Variants in GLRA3 observed in about 807,000 individuals in gnomAD.
GLRA3 encodes the protein glycine receptor subunit alpha-3.
A neutral mutation model predicts 60.4 loss-of-function variants in GLRA3; 44 were observed. The observed-to-expected ratio is 0.73, with a 90% CI of 0.57 to 0.94. The LOEUF is 0.94. Ranked by LOEUF, GLRA3 falls within the 40% of genes least tolerant of loss-of-function variation. The pLI is 0.00. For missense variants in GLRA3, 508 were observed against 564.6 expected (o/e 0.90, Z 1.02); for synonymous variants, 223 against 192.9 (o/e 1.16, Z -1.29).
intron 5 of GLRA3, among the ~76,000 whole-genome samples, chr4:174,690,252 T>G (rs1734743059): frequency 2.0e-5 from 3 of 152,220 alleles, no homozygotes. Context: ...ACCTTTACCA[T>G]GCATAGACTT....
Position 174,728,608 on chromosome 4 carries a change from G to A in GLRA3, c.358C>T (p.Pro120Ser), listed in dbSNP as rs199507669. 2.7e-4 allele frequency: 442 copies of A among 1,611,808 alleles called. No homozygotes were observed. Among genetic ancestry groups the A allele is most frequent in the Non-Finnish European group, 3.5e-4 (418 of 1,177,926 alleles). The change falls in exon 4 of 10, where the codon CCC becomes TCC. Residue 120 changes from proline to serine, a missense_variant. Pro to Ser is a moderately conservative substitution (Grantham distance 74). Around this residue, in one of 3 missense-constraint regions of GLRA3, gnomAD observed 329 missense variants for 349.3 expected, o/e 0.94. Transcript: ENST00000274093. Reference protein sequence around the residue: ...EYPDDSLDLDPSMLDSIWKPD... With the variant: ...EYPDDSLDLDSSMLDSIWKPD... Reference sequence around the variant, plus strand: ...TTCCAAATGGAGTCCAACATGGAGGGGTCGAGGTCTAAAGAGTCGTCAGGA... The same window carrying A: ...TTCCAAATGGAGTCCAACATGGAGGAGTCGAGGTCTAAAGAGTCGTCAGGA...
intron 3 of GLRA3, among the ~76,000 whole-genome samples, chr4:174,752,262 G>C (rs771497219): frequency 2.6e-5 from 4 of 152,108 alleles, no homozygotes; most frequent in Non-Finnish European, 5.9e-5. Context: ...AAAAACACAA[G>C]AGAAGCTGAT....
chr4:174,682,377 A>G (rs929678960), intron 6 of GLRA3, among the ~76,000 whole-genome samples: 1 of 152,186 alleles, frequency 6.6e-6, no homozygotes, highest in African/African-American at 2.4e-5. Context: ...AAATGCACGA[A>G]AATATGACAA....
intron 3 of GLRA3, among the ~76,000 whole-genome samples, chr4:174,738,856 A>C (rs1353561756): frequency 6.6e-6 from 1 of 152,192 alleles, no homozygotes; most frequent in Admixed American, 6.5e-5. Context: ...TATCAAAATA[A>C]CTCAGCATGC....
At chr4:174,755,978 A>G (rs1737680434) in intron 3 of GLRA3, among the ~76,000 whole-genome samples, 1 of 152,194 alleles carries the variant, frequency 6.6e-6, no homozygotes, top group Admixed American at 6.5e-5. Flanking sequence ...ATCTTGCAAG[A>G]TAAGATGTGG....
chr4:174,784,316 G>C (rs1185991431), intron 2 of GLRA3, among the ~76,000 whole-genome samples: 4 of 136,356 alleles, frequency 2.9e-5, no homozygotes, highest in Non-Finnish European at 6.3e-5. Context: ...GGGGACTGTT[G>C]TGGGGTGCGG....
intron 3 of GLRA3, among the ~76,000 whole-genome samples, chr4:174,740,154 G>A (rs1198842478): frequency 6.6e-6 from 1 of 152,144 alleles, no homozygotes. Flanking sequence ...CAATGCTATA[G>A]TGGGACAAAA....
chr4:174,721,335 A>G (rs951726607), intron 4 of GLRA3, among the ~76,000 whole-genome samples: 6 of 152,040 alleles, frequency 3.9e-5, no homozygotes, highest in Admixed American at 1.3e-4. Flanking sequence ...AATTATATAA[A>G]GATTTGTGGT....
chr4:174,739,554 A>G (rs1736929868), intron 3 of GLRA3, among the ~76,000 whole-genome samples: 1 of 152,194 alleles, frequency 6.6e-6, no homozygotes, highest in Admixed American at 6.5e-5. Flanking sequence ...AAGAATCATA[A>G]GAGCATTATC....
Position 174,643,395 on chromosome 4 carries a change from A to ATTATCTTTATAATTTCCCC in GLRA3, c.*390_*391insGGGGAAATTATAAAGATAA. 3.1e-4 allele frequency: 110 copies of ATTATCTTTATAATTTCCCC among 359,614 alleles called. No homozygotes were observed. The highest frequency in any genetic ancestry group is 6.0e-4 in the African/African-American group (3 of 4,984). 22.3% of individuals were successfully genotyped at this position (359,614 alleles called of 1,614,324 possible). A position where few individuals can be genotyped will look rare whatever the true frequency, so the allele number is the denominator to read the frequency against. On this transcript the variant is annotated 3_prime_UTR_variant, in exon 10 of 10. Transcript: ENST00000274093. Reference sequence around the variant, plus strand: ...GTTTTAAATCTCAAACTATTGGTTTACTGTGCAAAATTTGCTTTTGTATGA... The same window carrying ATTATCTTTATAATTTCCCC: ...GTTTTAAATCTCAAACTATTGGTTTATTATCTTTATAATTTCCCCCTGTGCAAAATTTGCTTTTGTATGA...
At chr4:174,825,611 G>T (rs1740934289) in intron 1 of GLRA3, among the ~76,000 whole-genome samples, 1 of 151,872 alleles carries the variant, frequency 6.6e-6, no homozygotes, top group Admixed American at 6.6e-5. Context: ...TCACTTATCT[G>T]CATTTCAAAG....
At chr4:174,690,330 T>A (rs1734745747) in intron 5 of GLRA3, among the ~76,000 whole-genome samples, 1 of 152,210 alleles carries the variant, frequency 6.6e-6, no homozygotes, top group African/African-American at 2.4e-5. Context: ...ATTGAAATTA[T>A]GGCTCAATTC....
At chr4:174,774,339 G>A (rs1738507403) in intron 2 of GLRA3, among the ~76,000 whole-genome samples, 2 of 151,076 alleles carry the variant, frequency 1.3e-5, no homozygotes, top group African/African-American at 4.9e-5. Context: ...GAAGAAAATC[G>A]ATGTGTAAAT....
chr4:174,684,682 G>A (rs982127463), intron 5 of GLRA3, among the ~76,000 whole-genome samples: 4 of 152,206 alleles, frequency 2.6e-5, no homozygotes, highest in East Asian at 3.9e-4. Flanking sequence ...GAGGAGGCAC[G>A]GTGTGGCCTC....
chr4:174,692,564 C>T (rs1195839065), intron 5 of GLRA3, among the ~76,000 whole-genome samples: 1 of 149,416 alleles, frequency 6.7e-6, no homozygotes. Flanking sequence ...AAGAGGTAGA[C>T]ATGGGAGACC....
At chr4:174,806,464 T>C (rs1579638466) in intron 1 of GLRA3, among the ~76,000 whole-genome samples, 2 of 152,270 alleles carry the variant, frequency 1.3e-5, no homozygotes, top group Admixed American at 1.3e-4. Context: ...GCCCTCTGTA[T>C]CTGTGTCAAG....
intron 3 of GLRA3, among the ~76,000 whole-genome samples, chr4:174,746,991 T>A (rs1489552136): frequency 6.6e-6 from 1 of 152,142 alleles, no homozygotes; most frequent in African/African-American, 2.4e-5. Context: ...AAGAATGAAG[T>A]CTTACAATTA....
intron 9 of GLRA3, among the ~76,000 whole-genome samples, chr4:174,654,405 G>A (rs1425092934): frequency 1.3e-5 from 2 of 152,034 alleles, no homozygotes; most frequent in Non-Finnish European, 1.5e-5. Flanking sequence ...TGCAGTCAAT[G>A]ATATCTTTAT....
Position 174,655,077 on chromosome 4 carries a change from A to G in GLRA3, c.1116+1666T>C, listed in dbSNP as rs971357104. On this transcript the variant is annotated intron_variant, in intron 9 of 9. Coordinates refer to ENST00000274093, the MANE Select transcript of GLRA3 (RefSeq NM_006529.4). ...TCCCCTGTTGTGACAAACTTTCTAC[A>G]GTGAGACTATTTTATTTACTTTGCC... Among the ~76,000 whole-genome samples, 18 of 152,194 alleles carry G rather than the reference A, an allele frequency of 1.2e-4. 1 individual carries two copies. The highest frequency in any genetic ancestry group is 1.2e-3 in the Admixed American group (18 of 15,272).
Sources: allele counts gnomAD v4.1 joint callset (sites outside exome capture counted in the v4.1 genomes callset), GRCh38; gene constraint gnomAD v4.1.1; regional missense constraint gnomAD v4.1.1; transcripts MANE v1.5; gene names NCBI Gene and HGNC (gene_info 2026-07-23, HGNC 2026-07-21).